The following RFTN2 variants were observed in gnomAD, a reference collection of about 807,000 sequenced individuals.
RFTN2 encodes raftlin-2.
In RFTN2, 34 loss-of-function variants were observed where a neutral mutation model predicts 52.7. The observed-to-expected ratio is 0.64, with a 90% CI of 0.49 to 0.86. The LOEUF is 0.86. Ranked by LOEUF, RFTN2 falls within the 40% of genes least tolerant of loss-of-function variation. The pLI is 0.00. For synonymous variants in RFTN2, 203 were observed against 217.7 expected (o/e 0.93, Z 0.59); for missense variants, 536 against 600.1 (o/e 0.89, Z 1.12).
intron 8 of RFTN2, among the ~76,000 whole-genome samples, chr2:197,585,275 C>A (rs1463004930): frequency 6.6e-6 from 1 of 152,114 alleles, no homozygotes; most frequent in Non-Finnish European, 1.5e-5. Flanking sequence ...TGGACTGCAC[C>A]CCAAAAACTT....
In RFTN2 at chr2:197,571,815, C is replaced by T. The variant is rs2087322664; in HGVS notation, c.*193G>A. 23 of 594,616 alleles carry T rather than the reference C, an allele frequency of 3.9e-5. No homozygotes were observed. In the South Asian group the frequency reaches 4.6e-4, roughly 12 times the overall value. The allele number at this position is 594,616 out of a possible 1,614,324, so 36.8% of individuals were successfully genotyped here. On this transcript the variant is annotated 3_prime_UTR_variant, in exon 9 of 9. Coordinates refer to ENST00000295049, the MANE Select transcript of RFTN2 (RefSeq NM_144629.3). The stretch of plus-strand genomic sequence containing the variant: ...AGTTGAGAGAAGTGTAAACATGATT[C>T]TAAATGTATAAATATGTTGGTTATT...
chr2:197,633,076 C>T (rs566090881), intron 4 of RFTN2, among the ~76,000 whole-genome samples: 3 of 152,168 alleles, frequency 2.0e-5, no homozygotes, highest in African/African-American at 7.2e-5. Flanking sequence ...TCTGATAGTG[C>T]TTTTTTAAAG....
At chr2:197,596,672 A>G (rs1166849608) in intron 7 of RFTN2, among the ~76,000 whole-genome samples, 1 of 152,238 alleles carries the variant, frequency 6.6e-6, no homozygotes, top group Non-Finnish European at 1.5e-5. Flanking sequence ...ATGAATACTT[A>G]GGAGTGGGAT....
intron 8 of RFTN2, among the ~76,000 whole-genome samples, chr2:197,579,490 A>G (rs2087470392): frequency 6.6e-6 from 1 of 152,068 alleles, no homozygotes; most frequent in African/African-American, 2.4e-5. Context: ...AAACTCAACA[A>G]TTGTTCCAAA....
chr2:197,631,468 T>G (rs1267921862), intron 4 of RFTN2, among the ~76,000 whole-genome samples: 1 of 152,206 alleles, frequency 6.6e-6, no homozygotes, highest in Non-Finnish European at 1.5e-5. Context: ...GAAGTTGGTG[T>G]TTATCATTCT....
chr2:197,625,704 C>CTCTCCTCTCCTCTCT (rs1559354394), intron 5 of RFTN2, among the ~76,000 whole-genome samples: 8 of 140,288 alleles, frequency 5.7e-5, no homozygotes, highest in South Asian at 2.4e-4. Context: ...CTCTCCTCTC[C>CTCTCCTCTCCTCTCT]TCTCCTCTCC....
At chr2:197,628,547 C>A (rs2088407070) in intron 5 of RFTN2, among the ~76,000 whole-genome samples, 2 of 152,172 alleles carry the variant, frequency 1.3e-5, no homozygotes, top group Non-Finnish European at 2.9e-5. Flanking sequence ...TTTTTCTGTT[C>A]AGCAGTTAGT....
intron 3 of RFTN2, among the ~76,000 whole-genome samples, chr2:197,637,252 C>T (rs545620813): frequency 0.011 from 1,625 of 152,034 alleles, 12 homozygotes; most frequent in Non-Finnish European, 0.018. Flanking sequence ...ATGCTAGCCT[C>T]ATAAAATGAG....
chr2:197,659,067 G>C (rs1035769746), intron 1 of RFTN2, among the ~76,000 whole-genome samples: 3 of 152,002 alleles, frequency 2.0e-5, no homozygotes, highest in Non-Finnish European at 4.4e-5. Context: ...TTAATATAAA[G>C]TCATATATTA....
chr2:197,597,870 A>G (rs1471464463), intron 7 of RFTN2, among the ~76,000 whole-genome samples: 1 of 152,174 alleles, frequency 6.6e-6, no homozygotes, highest in Non-Finnish European at 1.5e-5. Flanking sequence ...GAAGAATAAG[A>G]GTGCATGAAG....
At chr2:197,587,297 G>C (rs745429474) in intron 8 of RFTN2, among the ~76,000 whole-genome samples, 2 of 151,492 alleles carry the variant, frequency 1.3e-5, no homozygotes, top group Non-Finnish European at 2.9e-5. Flanking sequence ...AAAAATTTTC[G>C]CCGTCCCAAC....
chr2:197,634,052 ACTTT>A, intron 3 of RFTN2, 55 bp from the exon 4 acceptor site: 2 of 1,445,390 alleles, frequency 1.4e-6, no homozygotes, highest in Non-Finnish European at 1.9e-6. Flanking sequence ...TTCATTGATT[ACTTT>A]ATCAATTAAC....
chr2:197,591,098 G>A (rs975537339), intron 8 of RFTN2, among the ~76,000 whole-genome samples: 4 of 152,168 alleles, frequency 2.6e-5, no homozygotes, highest in Admixed American at 2.0e-4. Context: ...GCTGATTGGT[G>A]AGTTTACAAT....
intron 3 of RFTN2, among the ~76,000 whole-genome samples, chr2:197,637,824 T>C (rs966380051): frequency 3.3e-5 from 5 of 152,178 alleles, no homozygotes; most frequent in African/African-American, 9.6e-5. Context: ...CTTTTAATTG[T>C]GATGTTAGGG....
intron 5 of RFTN2, among the ~76,000 whole-genome samples, chr2:197,625,474 G>A (rs1466305491): frequency 1.3e-5 from 2 of 151,968 alleles, no homozygotes; most frequent in African/African-American, 4.8e-5. Context: ...AGGTGGGCCC[G>A]GGAGCATCTT....
intron 7 of RFTN2, among the ~76,000 whole-genome samples, chr2:197,598,212 C>T (rs187068159): frequency 1.1e-4 from 16 of 151,938 alleles, no homozygotes; most frequent in East Asian, 3.9e-4. Context: ...CCCAGCTACT[C>T]GGGAGGCTGA....
At chr2:197,660,663 C>T (rs886593662) in intron 1 of RFTN2, among the ~76,000 whole-genome samples, 1 of 151,660 alleles carries the variant, frequency 6.6e-6, no homozygotes, top group African/African-American at 2.4e-5. Context: ...TCAAGTGATT[C>T]TCGTGTCTCA....
chr2:197,665,625 T>C (rs2089045115), intron 1 of RFTN2, among the ~76,000 whole-genome samples: 1 of 151,328 alleles, frequency 6.6e-6, no homozygotes, highest in African/African-American at 2.4e-5. Flanking sequence ...GGAATATCAT[T>C]TTCTACCCCT....
At chr2:197,644,643 T>C (rs959030800) in intron 2 of RFTN2, among the ~76,000 whole-genome samples, 3 of 152,236 alleles carry the variant, frequency 2.0e-5, no homozygotes, top group African/African-American at 7.2e-5. Flanking sequence ...CTTTTTCTTC[T>C]TTTCTGATCT....
Sources: allele counts gnomAD v4.1 joint callset (sites outside exome capture counted in the v4.1 genomes callset), GRCh38; gene constraint gnomAD v4.1.1; transcripts MANE v1.5; gene names NCBI Gene and HGNC (gene_info 2026-07-23, HGNC 2026-07-21).